The following DEPTOR variants were observed in gnomAD, a reference collection of about 807,000 sequenced individuals.
The protein encoded by DEPTOR is DEP domain-containing mTOR-interacting protein.
Under a neutral mutation model 41.6 loss-of-function variants are expected in DEPTOR, and 41 were observed. The observed-to-expected ratio is 0.98, with a 90% CI of 0.77 to 1.28. DEPTOR has a LOEUF of 1.28. Among genes scored for constraint, DEPTOR ranks in the 50% most tolerant of loss-of-function variants. The pLI, the probability that DEPTOR is intolerant of heterozygous loss-of-function variation, is 0.00. For missense variants in DEPTOR, 514 were observed against 527.9 expected (o/e 0.97, Z 0.26); for synonymous variants, 195 against 192.3 (o/e 1.01, Z -0.12).
intron 1 of DEPTOR, among the ~76,000 whole-genome samples, chr8:119,910,410 T>C (rs1428296151): frequency 6.6e-6 from 1 of 152,190 alleles, no homozygotes; most frequent in African/African-American, 2.4e-5. Flanking sequence ...AGTAGTGAAA[T>C]ATAAATTTTT....
chr8:119,965,841 G>A (rs763352717), intron 4 of DEPTOR, among the ~76,000 whole-genome samples: 6 of 152,162 alleles, frequency 3.9e-5, no homozygotes, highest in East Asian at 1.9e-4. Flanking sequence ...GAACCATGAT[G>A]TAAGCTGCCA....
At chr8:119,938,517 AT>A (rs542030054) in intron 3 of DEPTOR, among the ~76,000 whole-genome samples, 1 of 151,268 alleles carries the variant, frequency 6.6e-6, no homozygotes, top group Non-Finnish European at 1.5e-5. Context: ...TCTTTTTTCA[AT>A]TTTTTTTTAA....
intron 8 of DEPTOR, among the ~76,000 whole-genome samples, chr8:120,030,497 G>GTTTGTTTTTTTTTTTTTTTTTTTTTTTT (rs1207108457): frequency 8.7e-5 from 4 of 46,216 alleles, no homozygotes; most frequent in South Asian, 2.4e-3. Flanking sequence ...AGGTTCATCA[G>GTTTGTTTTTTTTTTTTTTTTTTTTTTTT]TTTTTTTTTT....
At chr8:119,971,639 T>C (rs1195411110) in intron 4 of DEPTOR, among the ~76,000 whole-genome samples, 3 of 152,138 alleles carry the variant, frequency 2.0e-5, no homozygotes, top group Non-Finnish European at 2.9e-5. Flanking sequence ...GGTAAGGAAC[T>C]TCAGAGACCT....
At chr8:119,981,546 A>G (rs1828766911) in intron 4 of DEPTOR, among the ~76,000 whole-genome samples, 1 of 151,884 alleles carries the variant, frequency 6.6e-6, no homozygotes, top group Admixed American at 6.6e-5. Context: ...AGTTCCAACT[A>G]CTAAGGAAGC....
At chr8:119,967,449 C>T (rs929239320) in intron 4 of DEPTOR, among the ~76,000 whole-genome samples, 1 of 151,726 alleles carries the variant, frequency 6.6e-6, no homozygotes, top group African/African-American at 2.4e-5. Context: ...CCTGTTTTTA[C>T]ACAGAAAGGC....
intron 4 of DEPTOR, among the ~76,000 whole-genome samples, chr8:119,970,415 G>C (rs762026542): frequency 6.6e-6 from 1 of 152,116 alleles, no homozygotes; most frequent in Non-Finnish European, 1.5e-5. Context: ...GAGCTACCCT[G>C]TAGCTACTAG....
Position 120,004,493 on chromosome 8 carries a change from TCA to T in DEPTOR, c.925+1383_925+1384del, listed in dbSNP as rs1812403903. Among the ~76,000 whole-genome samples the T allele has an allele frequency of 3.9e-5, 6 of 152,336 alleles. No homozygotes were observed. The South Asian group carries it at 1.2e-3, about 32-fold the overall frequency. ...TCCTCAAAGTTAAAAGCAAAAGATCTCAGTTTCAATAAAAGGGTCAGTGGTGC... is the reference window on the plus strand; with the variant it reads ...TCCTCAAAGTTAAAAGCAAAAGATCTGTTTCAATAAAAGGGTCAGTGGTGC... On this transcript the variant is annotated intron_variant, in intron 6 of 8. Transcript: ENST00000286234.
rs143342018 is a variant in DEPTOR, at chr8:120,041,682, C to T, written c.1102-7894C>T. On this transcript the variant is annotated intron_variant, in intron 8 of 8. Coordinates refer to ENST00000286234, the MANE Select transcript of DEPTOR (RefSeq NM_022783.4). Reference sequence around the variant, plus strand: ...CCTCGAGAGTAGCTGGGATTACAGGCATGCACCACCACGCCCAGCTGATTT... The same window carrying T: ...CCTCGAGAGTAGCTGGGATTACAGGTATGCACCACCACGCCCAGCTGATTT... Among the ~76,000 whole-genome samples the T allele has an allele frequency of 3.5e-3, 528 of 152,278 alleles. 1 individual carries two copies. Among genetic ancestry groups the T allele is most frequent in the African/African-American group, 0.012 (500 of 41,568 alleles).
At chr8:120,034,094 C>T (rs1417107996) in intron 8 of DEPTOR, among the ~76,000 whole-genome samples, 4 of 152,176 alleles carry the variant, frequency 2.6e-5, no homozygotes, top group East Asian at 3.9e-4. Flanking sequence ...CTACTTGGCT[C>T]TCTCCCCTGG....
At chr8:119,880,401 C>A (rs1453081065) in intron 1 of DEPTOR, among the ~76,000 whole-genome samples, 3 of 151,696 alleles carry the variant, frequency 2.0e-5, no homozygotes, top group African/African-American at 2.4e-5. Context: ...TCATTTAAAC[C>A]AACAGGCCAT....
chr8:119,998,994 A>T (rs1879150), intron 4 of DEPTOR, among the ~76,000 whole-genome samples: 121,706 of 150,714 alleles, frequency 0.81, 49,223 homozygotes, highest in Middle Eastern at 0.84. Flanking sequence ...CCGGGCACGG[A>T]GGCTCGTGTC....
intron 8 of DEPTOR, among the ~76,000 whole-genome samples, chr8:120,034,121 A>G (rs2130180186): frequency 6.6e-6 from 1 of 152,178 alleles, no homozygotes; most frequent in African/African-American, 2.4e-5. Context: ...CCAGCAAAGG[A>G]TGTTGAAGGT....
chr8:120,023,085 C>A (rs1369968693), intron 8 of DEPTOR, among the ~76,000 whole-genome samples: 1 of 152,070 alleles, frequency 6.6e-6, no homozygotes, highest in Non-Finnish European at 1.5e-5. Context: ...GTGAGGTGGG[C>A]CTGTCTCCTG....
intron 4 of DEPTOR, among the ~76,000 whole-genome samples, chr8:119,985,195 C>G (rs961638970): frequency 6.6e-6 from 1 of 152,106 alleles, no homozygotes; most frequent in Non-Finnish European, 1.5e-5. Flanking sequence ...ATTCCAATTT[C>G]TCCACATCCT....
At chr8:120,048,026 C>A (rs1813178980) in intron 8 of DEPTOR, among the ~76,000 whole-genome samples, 1 of 138,072 alleles carries the variant, frequency 7.2e-6, no homozygotes. Context: ...GAGGGAGACT[C>A]CATGTCAAAA....
intron 3 of DEPTOR, among the ~76,000 whole-genome samples, chr8:119,943,595 G>T (rs1230186844): frequency 1.3e-5 from 2 of 152,054 alleles, no homozygotes; most frequent in Non-Finnish European, 2.9e-5. Context: ...GAGTTTGGGT[G>T]GGGACGCAGA....
intron 3 of DEPTOR, among the ~76,000 whole-genome samples, chr8:119,952,350 G>T (rs1335300938): frequency 6.6e-6 from 1 of 152,164 alleles, no homozygotes; most frequent in Non-Finnish European, 1.5e-5. Context: ...TCATGCTGGT[G>T]CAGCCCCTCA....
At chr8:120,028,653 G>T (rs1247943974) in intron 8 of DEPTOR, among the ~76,000 whole-genome samples, 1 of 151,194 alleles carries the variant, frequency 6.6e-6, no homozygotes, top group African/African-American at 2.4e-5. Context: ...TAATAGAGAT[G>T]GGTTTCACCA....
Sources: gnomAD v4.1 joint callset for allele counts (sites outside exome capture counted in the v4.1 genomes callset) on GRCh38, gnomAD v4.1.1 for gene constraint, MANE v1.5 for transcripts, NCBI Gene and HGNC (gene_info 2026-07-23, HGNC 2026-07-21) for gene names.